The following CTLA4 variants were observed in gnomAD, a reference collection of about 807,000 sequenced individuals.
CTLA4 encodes cytotoxic T-lymphocyte protein 4.
Under a neutral mutation model 20.4 loss-of-function variants are expected in CTLA4, and 3 were observed. The observed-to-expected ratio is 0.15, with a 90% confidence interval of 0.07 to 0.38. The LOEUF (loss-of-function observed/expected upper bound fraction) is 0.38, where lower values mean the gene tolerates loss of function less well. Among genes scored for constraint, CTLA4 ranks in the 10% least tolerant of loss-of-function variants. The pLI is 1.00. For synonymous variants in CTLA4, 100 were observed against 105.2 expected (o/e 0.95, Z 0.30); for missense variants, 184 against 276.8 (o/e 0.66, Z 2.38).
intron 1 of CTLA4, among the ~76,000 whole-genome samples, chr2:203,869,083 G>A (rs897058521): frequency 4.6e-5 from 7 of 152,168 alleles, no homozygotes; most frequent in African/African-American, 1.2e-4. Flanking sequence ...GAGTGTGACC[G>A]CATTTAGTGG....
At chr2:203,872,613 C>G (rs1559592430) in intron 3 of CTLA4, 95 bp from the exon 4 acceptor site, 2 of 663,674 alleles carry the variant, frequency 3.0e-6, no homozygotes, top group Non-Finnish European at 5.3e-6. Flanking sequence ...CATTTTTAAC[C>G]AGCTAGGGAC....
At position 203,870,055 on chromosome 2, in the gene CTLA4, G is replaced by A. The variant is rs1018171172; in HGVS notation, c.110-531G>A. Among the ~76,000 whole-genome samples the A allele has an allele frequency of 3.3e-5, 5 of 152,156 alleles. No homozygotes were observed. Among genetic ancestry groups the A allele is most frequent in the African/African-American group, 1.2e-4 (5 of 41,438 alleles). On this transcript the variant is annotated intron_variant, in intron 1 of 3. Coordinates refer to ENST00000648405, the MANE Select transcript of CTLA4 (RefSeq NM_005214.5). The surrounding 1 kb of genome is among the most constrained non-coding windows in gnomAD (Gnocchi z 5.3). ...GCTACTCCTGGGTGACAGAGGTTCAGGGCCAGCTCACTAAGTAGGCAGAAG... is the reference window on the plus strand; with the variant it reads ...GCTACTCCTGGGTGACAGAGGTTCAAGGCCAGCTCACTAAGTAGGCAGAAG...
Position 203,870,378 on chromosome 2 carries a change from A to T in CTLA4, c.110-208A>T, listed in dbSNP as rs1471293107. The T allele has an allele frequency of 3.4e-6, 2 of 584,046 alleles. No individual in the cohort carries two copies. Among genetic ancestry groups the T allele is most frequent in the Admixed American group, 6.1e-5 (2 of 32,900 alleles). 36.2% of individuals were successfully genotyped at this position (584,046 alleles called of 1,614,324 possible). On this transcript the variant is annotated intron_variant, in intron 1 of 3. Coordinates refer to ENST00000648405, the MANE Select transcript of CTLA4 (RefSeq NM_005214.5). This position sits in a 1 kb window ranked among gnomAD's most constrained non-coding sequence, Gnocchi z 5.3. Reference sequence around the variant, plus strand: ...ATCTTGAAGAATCTATTTCTCAGTAAGAAAATATCTTTATGGAGAGTAGCT... The same window carrying T: ...ATCTTGAAGAATCTATTTCTCAGTATGAAAATATCTTTATGGAGAGTAGCT...
intron 1 of CTLA4, among the ~76,000 whole-genome samples, chr2:203,868,408 A>T (rs1688668182): frequency 1.3e-5 from 2 of 152,202 alleles, no homozygotes; most frequent in Admixed American, 6.6e-5. Flanking sequence ...GGGTTTCAGG[A>T]TGAGCTCACA....
At position 203,873,418 on chromosome 2, in the gene CTLA4, T is replaced by A. The variant is rs1688774581; in HGVS notation, c.*606T>A. The A allele has an allele frequency of 4.5e-6, 1 of 222,442 alleles. No homozygotes were observed. 13.8% of individuals were successfully genotyped at this position (222,442 alleles called of 1,614,324 possible). ...ATAGTATTGTGCATAGAGCCACGTA[T>A]GTTTTTGTGTATTTGTTAATGGTTT... On this transcript the variant is annotated 3_prime_UTR_variant, in exon 4 of 4. Coordinates refer to ENST00000648405, the MANE Select transcript of CTLA4 (RefSeq NM_005214.5).
Position 203,870,505 on chromosome 2 carries a change from C to G in CTLA4, c.110-81C>G. On this transcript the variant is annotated intron_variant, in intron 1 of 3. Transcript: ENST00000648405. The surrounding 1 kb of genome is among the most constrained non-coding windows in gnomAD (Gnocchi z 5.3). Reference sequence around the variant, plus strand: ...GGGAGAAAAGGCCGTGGGGATGAAGCTAGAAGGCAGAAGGGCTTGCCTGGG... The same window carrying G: ...GGGAGAAAAGGCCGTGGGGATGAAGGTAGAAGGCAGAAGGGCTTGCCTGGG... 6.7e-7 allele frequency: 1 copy of G among 1,493,904 alleles called. No homozygotes were observed. The highest frequency in any genetic ancestry group is 9.2e-7 in the Non-Finnish European group (1 of 1,092,500). 92.5% of individuals were successfully genotyped at this position (1,493,904 alleles called of 1,614,324 possible).
rs1688712213 is a variant in CTLA4, at chr2:203,870,614, A to G, written c.138A>G (p.Val46=). Reference sequence around the variant, plus strand: ...TGCACGTGGCCCAGCCTGCTGTGGTACTGGCCAGCAGCCGAGGCATCGCCA... The same window carrying G: ...TGCACGTGGCCCAGCCTGCTGTGGTGCTGGCCAGCAGCCGAGGCATCGCCA... ...KAMHVAQPAV[V]LASSRGIASF... is the part of the protein sequence containing the mutation. The change falls in exon 2 of 4, where the codon GTA becomes GTG. Residue 46 remains valine, a synonymous_variant. Transcript: ENST00000648405. This position sits in a 1 kb window ranked among gnomAD's most constrained non-coding sequence, Gnocchi z 5.3. The G allele has an allele frequency of 3.1e-6, 5 of 1,614,110 alleles. No individual in the cohort carries two copies. Among genetic ancestry groups the G allele is most frequent in the Non-Finnish European group, 4.2e-6 (5 of 1,180,014 alleles).
chr2:203,871,230 G>C lies in CTLA4; in HGVS notation c.458-148G>C. On this transcript the variant is annotated intron_variant, in intron 2 of 3. Coordinates refer to ENST00000648405, the MANE Select transcript of CTLA4 (RefSeq NM_005214.5). ...GCTCCTGGGGAAGTAGTCCCAAATA[G>C]CCAAACCTATTGGTGGGCTACCCAT... 7.3e-6 allele frequency: 5 copies of C among 686,702 alleles called. 1 individual carries two copies. In the South Asian group the frequency reaches 9.3e-5, roughly 13 times the overall value. 42.5% of individuals were successfully genotyped at this position (686,702 alleles called of 1,614,324 possible).
At position 203,870,800 on chromosome 2, in the gene CTLA4, T is replaced by A; in HGVS notation, c.324T>A (p.Ser108Arg). ...ATTCCATCTGCACGGGCACCTCCAG[T>A]GGAAATCAAGTGAACCTCACTATCC... ...LDDSICTGTS[S>R]GNQVNLTIQG... Residue 108 changes from serine to arginine, a missense_variant, in exon 2 of 4, where the codon AGT becomes AGA. By Grantham distance (110) the Ser-to-Arg change is moderately radical. Coordinates refer to ENST00000648405, the MANE Select transcript of CTLA4 (RefSeq NM_005214.5). This position sits in a 1 kb window ranked among gnomAD's most constrained non-coding sequence, Gnocchi z 5.3. The A allele has an allele frequency of 6.2e-7, 1 of 1,614,062 alleles. No homozygotes were observed. The highest frequency in any genetic ancestry group is 1.3e-5 in the African/African-American group (1 of 74,970).
Position 203,870,751 on chromosome 2 carries a change from G to C in CTLA4, c.275G>C (p.Gly92Ala), listed in dbSNP as rs1688715814. Residue 92 changes from glycine to alanine, a missense_variant, in exon 2 of 4, where the codon GGG becomes GCG. By Grantham distance (60) the Gly-to-Ala change is moderately conservative. Around this residue, in one of 3 missense-constraint regions of CTLA4, gnomAD observed 147 missense variants for 223.4 expected, o/e 0.66. Transcript: ENST00000648405. The surrounding 1 kb of genome is among the most constrained non-coding windows in gnomAD (Gnocchi z 5.3). Reference protein sequence around the residue: ...TEVCAATYMMGNELTFLDDSI... With the variant: ...TEVCAATYMMANELTFLDDSI... ...GTCTGTGCGGCAACCTACATGATGG[G>C]GAATGAGTTGACCTTCCTAGATGAT... 1 of 1,614,148 alleles carries C rather than the reference G, an allele frequency of 6.2e-7. No individual in the cohort carries two copies. Among genetic ancestry groups the C allele is most frequent in the Non-Finnish European group, 8.5e-7 (1 of 1,180,032 alleles).
Position 203,869,734 on chromosome 2 carries a change from A to G in CTLA4, c.110-852A>G, listed in dbSNP as rs113528941. 7.9e-4 allele frequency among the ~76,000 whole-genome samples: 120 copies of G among 152,352 alleles called. 3 individuals are homozygous for G. In the South Asian group the frequency reaches 0.024, roughly 31 times the overall value. ...GTTAGTTACAGGAAGGTAATTTGGC[A>G]TGCAGCCACTATTTTTGAGTTGATG... On this transcript the variant is annotated intron_variant, in intron 1 of 3. Transcript: ENST00000648405.
In CTLA4 at chr2:203,870,828, G is replaced by C. The variant is rs764089901; in HGVS notation, c.352G>C (p.Gly118Arg). 1.2e-6 allele frequency: 2 copies of C among 1,614,080 alleles called. No individual in the cohort carries two copies. Among genetic ancestry groups the C allele is most frequent in the African/African-American group, 2.7e-5 (2 of 74,922 alleles). The change falls in exon 2 of 4, where the codon GGA becomes CGA. Residue 118 changes from glycine to arginine, a missense_variant. Transcript: ENST00000648405. The surrounding 1 kb of genome is among the most constrained non-coding windows in gnomAD (Gnocchi z 5.3). ...SGNQVNLTIQ[G>R]LRAMDTGLYI... Reference sequence around the variant, plus strand: ...AAATCAAGTGAACCTCACTATCCAAGGACTGAGGGCCATGGACACGGGACT... The same window carrying C: ...AAATCAAGTGAACCTCACTATCCAACGACTGAGGGCCATGGACACGGGACT...
rs763343304 is a variant in CTLA4, at chr2:203,872,826, A to G, written c.*14A>G. ...CCCATCAATTGAGAAACCATTATGA[A>G]GAAGAGAGTCCATATTTCAATTTCC... On this transcript the variant is annotated 3_prime_UTR_variant, in exon 4 of 4. Transcript: ENST00000648405. The G allele has an allele frequency of 8.1e-6, 12 of 1,485,920 alleles. No individual in the cohort carries two copies. The African/African-American group carries it at 1.4e-4, about 17-fold the overall frequency. 92.0% of individuals were successfully genotyped at this position (1,485,920 alleles called of 1,614,324 possible). A position where few individuals can be genotyped will look rare whatever the true frequency, so the allele number is the denominator to read the frequency against.
Position 203,867,949 on chromosome 2 carries a change from T to C in CTLA4, c.7T>C (p.Cys3Arg). Residue 3 changes from cysteine (C) to arginine (R), a missense_variant, in exon 1 of 4, where the codon TGC (cysteine) becomes CGC (arginine). Physicochemically the swap from Cys to Arg is radical, Grantham distance 180. Transcript: ENST00000648405. ...ACACCGCTCCCATAAAGCCATGGCT[T>C]GCCTTGGATTTCAGCGGCACAAGGC... Reference protein sequence around the residue: MACLGFQRHKAQL... With the variant: MARLGFQRHKAQL... 6.2e-7 allele frequency: 1 copy of C among 1,613,632 alleles called. No homozygotes were observed. The highest frequency in any genetic ancestry group is 8.5e-7 in the Non-Finnish European group (1 of 1,179,512).
rs566707756 is a variant in CTLA4 at position 203,870,479 on chromosome 2, G to A, written c.110-107G>A. The A allele has an allele frequency of 5.6e-5, 66 of 1,186,126 alleles. 1 individual carries two copies. The East Asian group carries it at 1.6e-3, about 29-fold the overall frequency. 73.5% of individuals were successfully genotyped at this position (1,186,126 alleles called of 1,614,324 possible). A position where few individuals can be genotyped will look rare whatever the true frequency, so the allele number is the denominator to read the frequency against. ...GGGTAAGTGATAGATTCGTTGAAGG[G>A]GGGAGAAAAGGCCGTGGGGATGAAG... is the stretch of plus-strand genomic sequence containing the variant. On this transcript the variant is annotated intron_variant, in intron 1 of 3. Coordinates refer to ENST00000648405, the MANE Select transcript of CTLA4 (RefSeq NM_005214.5). The surrounding 1 kb of genome is among the most constrained non-coding windows in gnomAD (Gnocchi z 5.3).
At chr2:203,869,218 A>C (rs1293570461) in intron 1 of CTLA4, among the ~76,000 whole-genome samples, 2 of 152,226 alleles carry the variant, frequency 1.3e-5, no homozygotes, top group Non-Finnish European at 2.9e-5. Flanking sequence ...ACAGGAGTTC[A>C]TGAACCACAA....
chr2:203,871,549 C>A, intron 3 of CTLA4, 62 bp downstream of exon 3: 2 of 1,254,422 alleles, frequency 1.6e-6, no homozygotes, highest in Non-Finnish European at 2.3e-6. Context: ...TATCAACTGG[C>A]CAAAAGATGA....
chr2:203,871,190 T>C (rs1381224293), intron 2 of CTLA4, among the ~76,000 whole-genome samples, 188 bp from the exon 3 acceptor site: 1 of 152,158 alleles, frequency 6.6e-6, no homozygotes, highest in Non-Finnish European at 1.5e-5. Context: ...ATCTGTACTT[T>C]TGATATGATA....
rs927684191 is a variant in CTLA4, at chr2:203,873,150, G to C, written c.*338G>C. The C allele has an allele frequency of 1.0e-5, 5 of 484,510 alleles. No individual in the cohort carries two copies. The Admixed American group carries it at 1.8e-4, about 17-fold the overall frequency. 30.0% of individuals were successfully genotyped at this position (484,510 alleles called of 1,614,324 possible). On this transcript the variant is annotated 3_prime_UTR_variant, in exon 4 of 4. Coordinates refer to ENST00000648405, the MANE Select transcript of CTLA4 (RefSeq NM_005214.5). ...GGAAAAGGCAGGGAGCGAGGGAGAA[G>C]ACTATATTGTACACACCTTATATTT... is the stretch of plus-strand genomic sequence containing the variant.
Sources: gnomAD v4.1 joint callset for allele counts (sites outside exome capture counted in the v4.1 genomes callset) on GRCh38, gnomAD v4.1.1 for gene constraint, gnomAD v4.1.1 regional missense constraint, Gnocchi (gnomAD v3.1) non-coding constraint, MANE v1.5 for transcripts, NCBI Gene and HGNC (gene_info 2026-07-23, HGNC 2026-07-21) for gene names.